BSN: variants seen among roughly 807,000 people sequenced by gnomAD.
BSN encodes the protein bassoon presynaptic cytomatrix protein.
BSN carries 57 observed loss-of-function variants against 264.8 expected under a neutral mutation model. The ratio of observed to expected loss-of-function variants is 0.22; its 90% confidence interval spans 0.17 to 0.27. The LOEUF (loss-of-function observed/expected upper bound fraction) is 0.27. BSN is among the 10% of genes least tolerant of loss of function. The pLI, the probability that BSN is intolerant of heterozygous loss-of-function variation, is 1.00. For synonymous variants in BSN, 2,059 were observed against 2,137.3 expected (o/e 0.96, Z 1.01); for missense variants, 4,615 against 5,232.5 (o/e 0.88, Z 3.64).
intron 1 of BSN, among the ~76,000 whole-genome samples, chr3:49,572,440 A>G (rs1267346254): frequency 6.6e-6 from 1 of 152,192 alleles, no homozygotes; most frequent in Non-Finnish European, 1.5e-5. Flanking sequence ...GGGTGATATT[A>G]TAAGATCAGA....
chr3:49,643,451 T>C (rs1297169894), intron 3 of BSN, among the ~76,000 whole-genome samples: 1 of 152,176 alleles, frequency 6.6e-6, no homozygotes, highest in Non-Finnish European at 1.5e-5. Flanking sequence ...ACCATGGGCA[T>C]GGCCCTGATG....
In BSN at chr3:49,656,185, C is replaced by T. The variant is rs752827889; in HGVS notation, c.6629C>T (p.Thr2210Ile). ...ATTGCTGCAACACTGCCCATCACCA[C>T]CCAGCCTGCCTCAGTCCTGCGGCCC... ...TPIAATLPIT[T>I]QPASVLRPMV... Residue 2210 changes from threonine to isoleucine, a missense_variant, in exon 5 of 12, where the codon ACC (threonine) becomes ATC (isoleucine). By Grantham distance (89) the Thr-to-Ile change is moderately conservative. Transcript: ENST00000296452. 2.5e-6 allele frequency: 4 copies of T among 1,612,158 alleles called. No homozygotes were observed. The highest frequency in any genetic ancestry group is 3.4e-6 in the Non-Finnish European group (4 of 1,179,354).
chr3:49,611,405 A>G (rs1216154793), intron 1 of BSN, among the ~76,000 whole-genome samples: 1 of 152,200 alleles, frequency 6.6e-6, no homozygotes, highest in Admixed American at 6.5e-5. Flanking sequence ...CCAAAGTTGT[A>G]TCATGCGGGG....
chr3:49,618,567 A>G (rs1291829992), intron 1 of BSN, among the ~76,000 whole-genome samples: 1 of 152,228 alleles, frequency 6.6e-6, no homozygotes, highest in Non-Finnish European at 1.5e-5. Context: ...AACACACACT[A>G]TCACACGATT....
chr3:49,647,212 A>C (rs1019155198), intron 3 of BSN, among the ~76,000 whole-genome samples: 3 of 152,214 alleles, frequency 2.0e-5, no homozygotes, highest in African/African-American at 7.2e-5. Flanking sequence ...CCTGGCTCAC[A>C]AGGCACAATG....
Position 49,656,012 on chromosome 3 carries a change from C to A in BSN, c.6456C>A (p.Pro2152=). The A allele has an allele frequency of 6.2e-7, 1 of 1,603,092 alleles. No homozygotes were observed. ...TCAGACCTGGACTCCTTGGTAACCC[C>A]ACCTTTCCAGAGGGCCACCCAAGTC... The part of the protein sequence containing the change: ...VPLRPGLLGN[P]TFPEGHPSPG... Residue 2152 remains proline (P), a synonymous_variant, in exon 5 of 12, where the codon CCC becomes CCA. Transcript: ENST00000296452.
chr3:49,625,234 GC>G lies in BSN; in HGVS notation c.490del (p.Leu164PhefsTer49). ...PTSPYSVPQI[A>X]PLPSSTLCPI... ...ATCACCCTACTCCGTCCCTCAGATC[GC>G]CCCCCTTCCCAGCAGCACGCTGTGT... On this transcript the variant is annotated frameshift_variant, in exon 2 of 12. Transcript: ENST00000296452. LOFTEE classifies it high-confidence loss of function. This position sits in a 1 kb window ranked among gnomAD's most constrained non-coding sequence, Gnocchi z 4.4. The G allele has an allele frequency of 1.3e-6, 2 of 1,587,544 alleles. No homozygotes were observed. Among genetic ancestry groups the G allele is most frequent in the Non-Finnish European group, 8.6e-7 (1 of 1,167,706 alleles).
chr3:49,565,199 G>A (rs1377893651), intron 1 of BSN, among the ~76,000 whole-genome samples: 4 of 138,860 alleles, frequency 2.9e-5, no homozygotes, highest in Non-Finnish European at 6.1e-5. Context: ...AGGCTGGAGT[G>A]CAGTGGCGGG....
intron 5 of BSN, among the ~76,000 whole-genome samples, chr3:49,659,361 A>G (rs1257818157): frequency 3.3e-5 from 5 of 152,166 alleles, no homozygotes; most frequent in Non-Finnish European, 5.9e-5. Context: ...ATGCGTGGCC[A>G]AAATAAGAAA....
At chr3:49,666,640 G>A (rs1247984266) in intron 11 of BSN, among the ~76,000 whole-genome samples, 1 of 152,222 alleles carries the variant, frequency 6.6e-6, no homozygotes. Flanking sequence ...GAGGGAGGAG[G>A]ACGACTGCGG....
intron 1 of BSN, among the ~76,000 whole-genome samples, chr3:49,570,775 G>A (rs1472157514): frequency 6.6e-6 from 1 of 152,182 alleles, no homozygotes; most frequent in Non-Finnish European, 1.5e-5. Flanking sequence ...CAATGCCAAG[G>A]CAATACCTCC....
rs763532940 is a variant in BSN, at chr3:49,642,366, C to T, written c.732C>T (p.Ser244=). Residue 244 remains serine (S), a synonymous_variant, in exon 3 of 12, where the codon TCC becomes TCT. Coordinates refer to ENST00000296452, the MANE Select transcript of BSN (RefSeq NM_003458.4). This position sits in a 1 kb window ranked among gnomAD's most constrained non-coding sequence, Gnocchi z 7.0. ...CCAAGAGCCAGCAGCAGCTGCACTC[C>T]CCAGCCCTGTCTCCTGCCCACTCCC... ...PRSKSQQQLH[S]PALSPAHSPA... 1 of 1,599,730 alleles carries T rather than the reference C, an allele frequency of 6.3e-7. No homozygotes were observed. The highest frequency in any genetic ancestry group is 8.5e-7 in the Non-Finnish European group (1 of 1,172,978).
At chr3:49,615,471 C>CA (rs2052253116) in intron 1 of BSN, among the ~76,000 whole-genome samples, 1 of 152,100 alleles carries the variant, frequency 6.6e-6, no homozygotes, top group Non-Finnish European at 1.5e-5. Context: ...AGTGGGACTA[C>CA]AACATAAAGG....
Position 49,661,574 on chromosome 3 carries a change from C to G in BSN, c.9729C>G (p.Asp3243Glu). The G allele has an allele frequency of 6.2e-7, 1 of 1,613,960 alleles. No individual in the cohort carries two copies. The highest frequency in any genetic ancestry group is 8.5e-7 in the Non-Finnish European group (1 of 1,180,050). Residue 3243 changes from aspartate (D) to glutamate (E), a missense_variant, in exon 6 of 12, where the codon GAC becomes GAG. Around this residue, in one of 3 missense-constraint regions of BSN, gnomAD observed 3,415 missense variants for 3,866.4 expected, o/e 0.88. Coordinates refer to ENST00000296452, the MANE Select transcript of BSN (RefSeq NM_003458.4). ...ATGACATCAGTGAACTGACCAAGGA[C>G]AGCACCTCTACTGCTCCTGATAGCC... ...MIDDISELTK[D>E]STSTAPDSQR... is the part of the protein sequence containing the mutation.
chr3:49,653,630 C>T lies in BSN; in HGVS notation c.4074C>T (p.Ser1358=). The change falls in exon 5 of 12, where the codon AGC becomes AGT. Residue 1358 remains serine (S), a synonymous_variant. Coordinates refer to ENST00000296452, the MANE Select transcript of BSN (RefSeq NM_003458.4). This position sits in a 1 kb window ranked among gnomAD's most constrained non-coding sequence, Gnocchi z 6.3. ...KETQDPLKLH[S]SPASPSSASK... ...CTCAGGACCCCCTCAAGCTGCACAGCTCTCCTGCCTCCCCCAGCTCAGCCT... is the reference window on the plus strand; with the variant it reads ...CTCAGGACCCCCTCAAGCTGCACAGTTCTCCTGCCTCCCCCAGCTCAGCCT... The T allele has an allele frequency of 6.2e-7, 1 of 1,613,804 alleles. No homozygotes were observed. Among genetic ancestry groups the T allele is most frequent in the African/African-American group, 1.3e-5 (1 of 75,004 alleles).
At chr3:49,629,945 AC>A (rs1476410311) in intron 2 of BSN, among the ~76,000 whole-genome samples, 2 of 152,210 alleles carry the variant, frequency 1.3e-5, no homozygotes, top group Non-Finnish European at 2.9e-5. Flanking sequence ...CCCAACTCCT[AC>A]CCAATGGCAA....
chr3:49,568,051 T>A (rs2051767538), intron 1 of BSN, among the ~76,000 whole-genome samples: 1 of 152,228 alleles, frequency 6.6e-6, no homozygotes, highest in African/African-American at 2.4e-5. Context: ...AAGACCGTAC[T>A]GACTTTTATG....
chr3:49,583,293 G>A (rs6768059), intron 1 of BSN, among the ~76,000 whole-genome samples: 151,837 of 152,318 alleles, frequency 1, 75,678 homozygotes, highest in Non-Finnish European at 1. Flanking sequence ...TGGATGTTCA[G>A]TCAACCTTGC....
chr3:49,655,720 C>G lies in BSN; in HGVS notation c.6164C>G (p.Pro2055Arg), dbSNP rs140934925. 68 of 1,613,404 alleles carry G rather than the reference C, an allele frequency of 4.2e-5. No homozygotes were observed. The South Asian group carries it at 6.1e-4, about 15-fold the overall frequency. Residue 2055 changes from proline (P) to arginine (R), a missense_variant, in exon 5 of 12, where the codon CCG becomes CGG. Transcript: ENST00000296452. ...CATCCTACAGACCTTTTGGCTCACC[C>G]GCTTCCCATGCGGCGCTATAGCTCA... Reference protein sequence around the residue: ...LRHPTDLLAHPLPMRRYSSVS... With the variant: ...LRHPTDLLAHRLPMRRYSSVS...
Sources: gnomAD v4.1 joint callset for allele counts (sites outside exome capture counted in the v4.1 genomes callset) on GRCh38, gnomAD v4.1.1 for gene constraint, gnomAD v4.1.1 regional missense constraint, Gnocchi (gnomAD v3.1) non-coding constraint, MANE v1.5 for transcripts, NCBI Gene and HGNC (gene_info 2026-07-23, HGNC 2026-07-21) for gene names.